CMYA5: variants seen among roughly 807,000 people sequenced by gnomAD.
The protein encoded by CMYA5 is cardiomyopathy associated 5, also known as cardiomyopathy-associated protein 5.
A neutral mutation model predicts 318.9 loss-of-function variants in CMYA5; 246 were observed. The ratio of observed to expected loss-of-function variants is 0.77; its 90% CI spans 0.70 to 0.86. The LOEUF (loss-of-function observed/expected upper bound fraction) is 0.86. Among genes scored for constraint, CMYA5 ranks in the 40% least tolerant of loss-of-function variants. The probability of loss-of-function intolerance (pLI) is 0.00; values close to 1 mark genes in which losing one functional copy is unlikely to be tolerated. For synonymous variants in CMYA5, 1,641 were observed against 1,729.5 expected, an observed-to-expected ratio of 0.95 and a Z score of 1.27; for missense variants, 4,589 against 4,678.2, an observed-to-expected ratio of 0.98 and a Z score of 0.56.
rs1214205803 is a variant in CMYA5, at chr5:79,734,943, G to A, written c.6178G>A (p.Val2060Met). Residue 2060 changes from valine to methionine, a missense_variant, in exon 2 of 13, where the codon GTG (valine) becomes ATG (methionine). Val to Met is a conservative substitution (Grantham distance 21, BLOSUM62 1). Coordinates refer to ENST00000446378, the MANE Select transcript of CMYA5 (RefSeq NM_153610.5). Reference sequence around the variant, plus strand: ...AGTGTCTGGCCTATCAGTGGAACAGGTGAAGTCAGAAACAATCTCCTCTTC... The same window carrying A: ...AGTGTCTGGCCTATCAGTGGAACAGATGAAGTCAGAAACAATCTCCTCTTC... Reference protein sequence around the residue: ...KPVSGLSVEQVKSETISSSVK... With the variant: ...KPVSGLSVEQMKSETISSSVK... The A allele has an allele frequency of 1.2e-6, 2 of 1,613,800 alleles. No individual in the cohort carries two copies. The highest frequency in any genetic ancestry group is 2.2e-5 in the East Asian group (1 of 44,878).
chr5:79,713,349 A>G (rs1827441303), intron 1 of CMYA5, among the ~76,000 whole-genome samples: 1 of 132,992 alleles, frequency 7.5e-6, no homozygotes, highest in Non-Finnish European at 1.5e-5. Flanking sequence ...CCTAATGTCA[A>G]TAGTGTCACT....
At chr5:79,774,605 C>T (rs1328128649) in intron 9 of CMYA5, among the ~76,000 whole-genome samples, 1 of 152,210 alleles carries the variant, frequency 6.6e-6, no homozygotes, top group Non-Finnish European at 1.5e-5. Context: ...GGGAGTGAGT[C>T]TCCTGCTCCC....
At position 79,763,082 on chromosome 5, in the gene CMYA5, C is replaced by T. The variant is rs773278101; in HGVS notation, c.11428C>T (p.Arg3810Cys). ...FRTAPSTPVI[R>C]AEDCTVCWNT... ...TGCAGCACCCTCCACCCCTGTGATC[C>T]GCGCTGAGGACTGTACTGTGTGTTG... Residue 3810 changes from arginine to cysteine, a missense_variant, in exon 9 of 13, where the codon CGC becomes TGC. Arg to Cys is a radical substitution (Grantham distance 180). Coordinates refer to ENST00000446378, the MANE Select transcript of CMYA5 (RefSeq NM_153610.5). The T allele has an allele frequency of 5.6e-6, 9 of 1,613,678 alleles. No homozygotes were observed. Among genetic ancestry groups the T allele is most frequent in the South Asian group, 3.3e-5 (3 of 91,054 alleles).
rs757512470 is a variant in CMYA5 at position 79,737,923 on chromosome 5, T to C, written c.9158T>C (p.Phe3053Ser). The change falls in exon 2 of 13, where the codon TTT (phenylalanine) becomes TCT (serine). Residue 3053 changes from phenylalanine to serine, a missense_variant. Around this residue, in one of 3 missense-constraint regions of CMYA5, gnomAD observed 2,431 missense variants for 2,495.1 expected, o/e 0.97. Coordinates refer to ENST00000446378, the MANE Select transcript of CMYA5 (RefSeq NM_153610.5). ...QPTIPSEEDY[F>S]EKYTLIDYNI... ...ACAATTCCCAGTGAAGAGGATTATT[T>C]TGAAAAATATACTTTGATTGATTAT... The C allele has an allele frequency of 5.0e-6, 8 of 1,606,216 alleles. No individual in the cohort carries two copies. Among genetic ancestry groups the C allele is most frequent in the Non-Finnish European group, 6.8e-6 (8 of 1,178,086 alleles).
chr5:79,747,545 T>C (rs1828352092), intron 5 of CMYA5, among the ~76,000 whole-genome samples: 1 of 152,252 alleles, frequency 6.6e-6, no homozygotes, highest in South Asian at 2.1e-4. Flanking sequence ...TAGTCATGCA[T>C]TTATCTTCTC....
intron 9 of CMYA5, among the ~76,000 whole-genome samples, chr5:79,770,529 T>C (rs963536221): frequency 1.6e-4 from 24 of 152,292 alleles, no homozygotes; most frequent in South Asian, 1.5e-3. Flanking sequence ...TGGCTTCCCT[T>C]GGCTAAGGCA....
chr5:79,758,707 T>G, intron 6 of CMYA5, 46 bp from the exon 7 acceptor site: 1 of 1,498,964 alleles, frequency 6.7e-7, no homozygotes, highest in Non-Finnish European at 8.9e-7. Flanking sequence ...GCCCAAAAAA[T>G]TAATAAAAAC....
chr5:79,699,058 T>C (rs764688138), intron 1 of CMYA5, among the ~76,000 whole-genome samples: 25 of 152,062 alleles, frequency 1.6e-4, no homozygotes, highest in Non-Finnish European at 3.1e-4. Flanking sequence ...CTTGGGAGGC[T>C]GGGGCAGGAG....
rs1346552381 is a variant in CMYA5 at position 79,745,259 on chromosome 5, A to G, written c.10772A>G (p.Gln3591Arg). The change falls in exon 4 of 13, where the codon CAG becomes CGG. Residue 3591 changes from glutamine to arginine, a missense_variant. By Grantham distance (43) the Gln-to-Arg change is conservative. Around this residue, in one of 3 missense-constraint regions of CMYA5, gnomAD observed 2,431 missense variants for 2,495.1 expected, o/e 0.97. Transcript: ENST00000446378. ...AAAAATGAGAAAAGGCTAGAAGAACAGAATGAGGAAATGATGAAGAAGGTT... is the reference window on the plus strand; with the variant it reads ...AAAAATGAGAAAAGGCTAGAAGAACGGAATGAGGAAATGATGAAGAAGGTT... The part of the protein sequence containing the change: ...CSKNEKRLEE[Q>R]NEEMMKKVLA... The G allele has an allele frequency of 1.9e-6, 3 of 1,604,384 alleles. No homozygotes were observed. The African/African-American group carries it at 4.0e-5, about 21-fold the overall frequency.
rs754207328 is a variant in CMYA5, at chr5:79,729,309, G to A, written c.544G>A (p.Glu182Lys). The change falls in exon 2 of 13, where the codon GAG becomes AAG. Residue 182 changes from glutamate to lysine, a missense_variant. By Grantham distance (56) the Glu-to-Lys change is moderately conservative. Transcript: ENST00000446378. The stretch of plus-strand genomic sequence containing the variant: ...AAGCCAGGTACTAACCACGGAGAAA[G>A]AGAAGTCATATACTGGCATTTATGA... ...SASQVLTTEK[E>K]KSYTGIYDKA... The A allele has an allele frequency of 6.2e-6, 10 of 1,610,884 alleles. No individual in the cohort carries two copies. The Admixed American group carries it at 1.2e-4, about 19-fold the overall frequency.
At chr5:79,798,449 A>C (rs1185430576) in intron 12 of CMYA5, among the ~76,000 whole-genome samples, 1 of 152,070 alleles carries the variant, frequency 6.6e-6, no homozygotes, top group Non-Finnish European at 1.5e-5. Flanking sequence ...AACTTGTGTT[A>C]CTTTTTTACA....
At chr5:79,758,602 G>A in intron 6 of CMYA5, 151 bp from the exon 7 acceptor site, 1 of 398,912 alleles carries the variant, frequency 2.5e-6, no homozygotes, top group Admixed American at 4.5e-5. Flanking sequence ...ATATAATTGG[G>A]GTTGGGGGTT....
At position 79,799,506 on chromosome 5, in the gene CMYA5, A is replaced by G. The variant is rs1204763791; in HGVS notation, c.12100A>G (p.Ile4034Val). Residue 4034 changes from isoleucine (I) to valine (V), a missense_variant, in exon 13 of 13, where the codon ATC becomes GTC. Physicochemically the swap from Ile to Val is conservative, Grantham distance 29. This residue lies in a region of CMYA5 where 2,431 missense variants were observed against 2,495.1 expected (regional missense o/e 0.97). Coordinates refer to ENST00000446378, the MANE Select transcript of CMYA5 (RefSeq NM_153610.5). The stretch of plus-strand genomic sequence containing the variant: ...AGAGAGCGAGCAGTTGCTCTTCATC[A>G]TCAGGCACAGGTTTAATGAGGGTGT... The part of the protein sequence containing the change: ...NAESEQLLFI[I>V]RHRFNEGVHP... 6.2e-7 allele frequency: 1 copy of G among 1,614,050 alleles called. No individual in the cohort carries two copies.
In CMYA5 at chr5:79,733,238, A is replaced by G. The variant is rs1408686769; in HGVS notation, c.4473A>G (p.Val1491=). ...CAGATAAATCTGAGGAAGCAAGGGT[A>G]GAAGACAAACAAGATCTTTTATTTT... ...QHSDKSEEAR[V]EDKQDLLFST... is the part of the protein sequence containing the mutation. The change falls in exon 2 of 13, where the codon GTA becomes GTG. Residue 1491 remains valine, a synonymous_variant. Transcript: ENST00000446378. The G allele has an allele frequency of 6.2e-7, 1 of 1,613,766 alleles. No homozygotes were observed. Among genetic ancestry groups the G allele is most frequent in the Non-Finnish European group, 8.5e-7 (1 of 1,179,830 alleles).
chr5:79,799,485 A>G lies in CMYA5; in HGVS notation c.12079A>G (p.Ser4027Gly), dbSNP rs756804808. Reference sequence around the variant, plus strand: ...GAGACTTATCTTCATCAACGCAGAGAGCGAGCAGTTGCTCTTCATCATCAG... The same window carrying G: ...GAGACTTATCTTCATCAACGCAGAGGGCGAGCAGTTGCTCTTCATCATCAG... ...NQRLIFINAESEQLLFIIRHR... is the reference protein window; with the variant it reads ...NQRLIFINAEGEQLLFIIRHR... Residue 4027 changes from serine to glycine, a missense_variant, in exon 13 of 13, where the codon AGC becomes GGC. Ser to Gly is a moderately conservative substitution (Grantham distance 56). Coordinates refer to ENST00000446378, the MANE Select transcript of CMYA5 (RefSeq NM_153610.5). The G allele has an allele frequency of 1.2e-6, 2 of 1,613,900 alleles. No homozygotes were observed. The highest frequency in any genetic ancestry group is 1.3e-5 in the African/African-American group (1 of 74,936).
At position 79,760,281 on chromosome 5, in the gene CMYA5, A is replaced by C. The variant is rs573450793; in HGVS notation, c.11260+1379A>C. ...CTGTGCCCTGAACTGTGTTAATAAC[A>C]GTTAGCTAATCTGATAATCTAGTCT... is the stretch of plus-strand genomic sequence containing the variant. On this transcript the variant is annotated intron_variant, in intron 7 of 12. Coordinates refer to ENST00000446378, the MANE Select transcript of CMYA5 (RefSeq NM_153610.5). 3.3e-5 allele frequency among the ~76,000 whole-genome samples: 5 copies of C among 151,844 alleles called. No homozygotes were observed. In the South Asian group the frequency reaches 1.0e-3, roughly 31 times the overall value.
intron 7 of CMYA5, among the ~76,000 whole-genome samples, chr5:79,760,502 G>C (rs970903675): frequency 1.3e-5 from 2 of 152,182 alleles, no homozygotes; most frequent in Admixed American, 1.3e-4. Context: ...TGGCAGAGGA[G>C]GCCTTAGGAG....
chr5:79,738,205 A>T lies in CMYA5; in HGVS notation c.9440A>T (p.Asp3147Val), dbSNP rs1051763296. 3 of 1,613,798 alleles carry T rather than the reference A, an allele frequency of 1.9e-6. No individual in the cohort carries two copies. Among genetic ancestry groups the T allele is most frequent in the Non-Finnish European group, 2.5e-6 (3 of 1,179,872 alleles). The change falls in exon 2 of 13, where the codon GAT (aspartate) becomes GTT (valine). Residue 3147 changes from aspartate (D) to valine (V), a missense_variant. By Grantham distance (152) the Asp-to-Val change is radical. This residue lies in a region of CMYA5 where 2,431 missense variants were observed against 2,495.1 expected (regional missense o/e 0.97). Transcript: ENST00000446378. ...DRNVSKDTKR[D>V]VDSKSPGMPL... ...AATGTTTCAAAGGACACAAAGAGAG[A>T]TGTGGACTCAAAGTCACCGGGGATG...
At chr5:79,767,916 A>G (rs1828784165) in intron 9 of CMYA5, among the ~76,000 whole-genome samples, 1 of 152,152 alleles carries the variant, frequency 6.6e-6, no homozygotes, top group Admixed American at 6.5e-5. Flanking sequence ...GTCTCCCACT[A>G]TTATTGTGTG....
Sources: gnomAD v4.1 joint callset for allele counts (sites outside exome capture counted in the v4.1 genomes callset) on GRCh38, gnomAD v4.1.1 for gene constraint, gnomAD v4.1.1 regional missense constraint, MANE v1.5 for transcripts, NCBI Gene and HGNC (gene_info 2026-07-23, HGNC 2026-07-21) for gene names.